SERPINB10: variants seen among roughly 807,000 people sequenced by gnomAD.
SERPINB10 encodes serpin B10.
A neutral mutation model predicts 39.1 loss-of-function variants in SERPINB10; 35 were observed. That is an observed-to-expected ratio of 0.90 (90% confidence interval 0.68 to 1.19). The LOEUF is 1.19. SERPINB10 is among the 50% of genes most tolerant of loss of function. The probability of loss-of-function intolerance (pLI) is 0.00; values close to 1 mark genes in which losing one functional copy is unlikely to be tolerated. For missense variants in SERPINB10, 546 were observed against 460.5 expected (o/e 1.19, Z -1.70); for synonymous variants, 190 against 158.1 (o/e 1.20, Z -1.52).
At chr18:63,931,555 T>G (rs1448763804) in intron 6 of SERPINB10, among the ~76,000 whole-genome samples, 2 of 151,956 alleles carry the variant, frequency 1.3e-5, no homozygotes, top group Non-Finnish European at 2.9e-5. Flanking sequence ...GTTGCAGGGG[T>G]GTTTGTTTTG....
chr18:63,908,258 T>C (rs552277532), intron 1 of SERPINB10, among the ~76,000 whole-genome samples: 2 of 152,128 alleles, frequency 1.3e-5, no homozygotes, highest in African/African-American at 2.4e-5. Context: ...AGAAAGAACA[T>C]TCATTCCCAA....
chr18:63,924,091 T>C (rs1175963599), intron 5 of SERPINB10, among the ~76,000 whole-genome samples: 1 of 152,032 alleles, frequency 6.6e-6, no homozygotes, highest in Non-Finnish European at 1.5e-5. Context: ...CATGTTGATG[T>C]TGGTGCTTCT....
intron 5 of SERPINB10, among the ~76,000 whole-genome samples, chr18:63,926,951 TAAG>T (rs1162011263): frequency 6.6e-6 from 1 of 152,074 alleles, no homozygotes; most frequent in Non-Finnish European, 1.5e-5. Context: ...TGTTAGAAGA[TAAG>T]AAGATAATTT....
chr18:63,915,537 C>T lies in SERPINB10; in HGVS notation c.27C>T (p.Asn9=), dbSNP rs1568243492. The change falls in exon 2 of 8, where the codon AAC becomes AAT. Residue 9 remains asparagine, a synonymous_variant. Transcript: ENST00000238508. ...TGGACTCTCTAGCAACATCAATCAA[C>T]CAGTTTGCCCTGGAGTTGAGCAAAA... MDSLATSI[N]QFALELSKKL... is the part of the protein sequence containing the mutation. 6.2e-7 allele frequency: 1 copy of T among 1,612,206 alleles called. No homozygotes were observed. Among genetic ancestry groups the T allele is most frequent in the Non-Finnish European group, 8.5e-7 (1 of 1,178,850 alleles).
At chr18:63,915,447 G>A (rs1205599044) in intron 1 of SERPINB10, 55 bp from the exon 2 acceptor site, 2 of 1,302,900 alleles carry the variant, frequency 1.5e-6, no homozygotes, top group South Asian at 2.8e-5. Flanking sequence ...TTTTTCAAAG[G>A]TGAAGTGGAA....
rs756769782 is a variant in SERPINB10 at position 63,934,765 on chromosome 18, T to C, written c.790-73T>C. On this transcript the variant is annotated intron_variant, in intron 7 of 7. Coordinates refer to ENST00000238508, the MANE Select transcript of SERPINB10 (RefSeq NM_005024.3). ...TAATTCACCTATGTAATTCCTAGGGTGCTCTCTCTACTACTGTTTTTCATT... is the reference window on the plus strand; with the variant it reads ...TAATTCACCTATGTAATTCCTAGGGCGCTCTCTCTACTACTGTTTTTCATT... 16 of 1,449,494 alleles carry C rather than the reference T, an allele frequency of 1.1e-5. No individual in the cohort carries two copies. In the Admixed American group the frequency reaches 3.6e-4, roughly 33 times the overall value. 89.8% of individuals were successfully genotyped at this position (1,449,494 alleles called of 1,614,324 possible).
intron 7 of SERPINB10, among the ~76,000 whole-genome samples, chr18:63,934,460 T>C (rs905027603): frequency 2.6e-5 from 4 of 152,162 alleles, no homozygotes; most frequent in African/African-American, 9.7e-5. Context: ...GTCTCCCATG[T>C]CGATAAACAA....
chr18:63,929,131 C>A (rs141757253), intron 5 of SERPINB10, among the ~76,000 whole-genome samples: 2 of 151,862 alleles, frequency 1.3e-5, no homozygotes, highest in African/African-American at 4.8e-5. Context: ...GCTACAAATA[C>A]GAAATGCCAA....
intron 5 of SERPINB10, among the ~76,000 whole-genome samples, chr18:63,928,602 T>C (rs1372635339): frequency 1.3e-5 from 2 of 152,050 alleles, no homozygotes; most frequent in Admixed American, 6.6e-5. Context: ...CCCCTCGAAA[T>C]AGGGGTACAT....
At chr18:63,913,771 G>A (rs1054033023) in intron 1 of SERPINB10, among the ~76,000 whole-genome samples, 1 of 151,916 alleles carries the variant, frequency 6.6e-6, no homozygotes, top group Non-Finnish European at 1.5e-5. Flanking sequence ...GTATTCTGTA[G>A]ATGTTTATTA....
intron 5 of SERPINB10, among the ~76,000 whole-genome samples, chr18:63,924,080 G>T (rs2144730999): frequency 6.6e-6 from 1 of 151,998 alleles, no homozygotes; most frequent in South Asian, 2.1e-4. Context: ...TCCTGTTAGT[G>T]CATGTTGATG....
chr18:63,908,044 T>C lies in SERPINB10; in HGVS notation c.-10+4T>C. On this transcript the variant is annotated splice_donor_region_variant and intron_variant, in intron 1 of 7. Coordinates refer to ENST00000238508, the MANE Select transcript of SERPINB10 (RefSeq NM_005024.3). The stretch of plus-strand genomic sequence containing the variant: ...TGCTCCAGTGGGAGAAAACAAGGTA[T>C]TGTAAATATTTCTTTGGTTAATGAT... 3.1e-6 allele frequency: 1 copy of C among 324,686 alleles called. No individual in the cohort carries two copies. The highest frequency in any genetic ancestry group is 4.7e-5 in the Admixed American group (1 of 21,256). 20.1% of individuals were successfully genotyped at this position (324,686 alleles called of 1,614,324 possible). A position where few individuals can be genotyped will look rare whatever the true frequency, so the allele number is the denominator to read the frequency against.
chr18:63,910,978 A>G (rs147991627), intron 1 of SERPINB10, among the ~76,000 whole-genome samples: 1 of 152,050 alleles, frequency 6.6e-6, no homozygotes, highest in East Asian at 1.9e-4. Flanking sequence ...CTTCTTAATA[A>G]TAGCCATTCT....
At chr18:63,926,175 T>G (rs573299016) in intron 5 of SERPINB10, among the ~76,000 whole-genome samples, 2 of 152,066 alleles carry the variant, frequency 1.3e-5, no homozygotes, top group Non-Finnish European at 2.9e-5. Context: ...CATGAGCTTC[T>G]CATAGCTTCT....
intron 1 of SERPINB10, among the ~76,000 whole-genome samples, chr18:63,911,612 CT>C (rs2050064956): frequency 6.6e-6 from 1 of 151,952 alleles, no homozygotes; most frequent in South Asian, 2.1e-4. Context: ...TTTCTAAGTT[CT>C]CTATTCTGTT....
intron 1 of SERPINB10, among the ~76,000 whole-genome samples, chr18:63,912,094 G>T (rs560439486): frequency 6.0e-4 from 91 of 151,840 alleles, no homozygotes; most frequent in African/African-American, 2.1e-3. Context: ...GAATGTTATT[G>T]GTATATAGAA....
chr18:63,919,732 G>T lies in SERPINB10; in HGVS notation c.373-56G>T. On this transcript the variant is annotated intron_variant, in intron 4 of 7. Transcript: ENST00000238508. ...TTCTTTTGATAATCTAAATAGATTT[G>T]ATTTCTCAATTTTGAACAAACTCTA... 4 of 1,211,520 alleles carry T rather than the reference G, an allele frequency of 3.3e-6. No individual in the cohort carries two copies. The South Asian group carries it at 4.0e-5, about 12-fold the overall frequency. The allele number at this position is 1,211,520 out of a possible 1,614,324, so 75.0% of individuals were successfully genotyped here.
chr18:63,917,485 C>T lies in SERPINB10; in HGVS notation c.198C>T (p.Val66=), dbSNP rs1479461332. Residue 66 remains valine (V), a synonymous_variant, in exon 3 of 8, where the codon GTC becomes GTT. Coordinates refer to ENST00000238508, the MANE Select transcript of SERPINB10 (RefSeq NM_005024.3). ...QVLQFNRDQG[V]KCDPESEKKR... Reference sequence around the variant, plus strand: ...TTCAATTTAACAGAGACCAGGGAGTCAAATGTGACCCTGAAAGTGAAAAAA... The same window carrying T: ...TTCAATTTAACAGAGACCAGGGAGTTAAATGTGACCCTGAAAGTGAAAAAA... 6.3e-7 allele frequency: 1 copy of T among 1,578,834 alleles called. No individual in the cohort carries two copies. The highest frequency in any genetic ancestry group is 1.2e-5 in the South Asian group (1 of 86,204).
At chr18:63,930,700 A>T (rs1295539137) in intron 6 of SERPINB10, among the ~76,000 whole-genome samples, 1 of 152,122 alleles carries the variant, frequency 6.6e-6, no homozygotes, top group African/African-American at 2.4e-5. Context: ...AAGGACTTAA[A>T]TGTTGTCAGG....
Sources: gnomAD v4.1 joint callset for allele counts (sites outside exome capture counted in the v4.1 genomes callset) on GRCh38, gnomAD v4.1.1 for gene constraint, MANE v1.5 for transcripts, NCBI Gene and HGNC (gene_info 2026-07-23, HGNC 2026-07-21) for gene names.